Variants in RXFP1 observed in about 807,000 individuals in gnomAD.
RXFP1 encodes the protein relaxin receptor 1.
RXFP1 carries 73 observed loss-of-function variants against 89.8 expected under a neutral mutation model. That is an observed-to-expected ratio of 0.81 (90% CI 0.67 to 0.99). The LOEUF is 0.99. RXFP1 is among the 50% of genes least tolerant of loss of function. RXFP1 has a pLI of 0.00. For synonymous variants in RXFP1, 277 were observed against 305.5 expected (o/e 0.91, Z 0.97); for missense variants, 793 against 895.5 (o/e 0.89, Z 1.46).
At chr4:158,539,083 C>A (rs903558686) in intron 1 of RXFP1, among the ~76,000 whole-genome samples, 3 of 152,198 alleles carry the variant, frequency 2.0e-5, no homozygotes, top group African/African-American at 7.2e-5. Flanking sequence ...TAGCAACCAC[C>A]TCCCATCATG....
chr4:158,610,179 C>G (rs980776040), intron 6 of RXFP1, among the ~76,000 whole-genome samples: 1 of 152,018 alleles, frequency 6.6e-6, no homozygotes, highest in Non-Finnish European at 1.5e-5. Flanking sequence ...GCAAGAGAAT[C>G]GCTTGAACCT....
intron 1 of RXFP1, among the ~76,000 whole-genome samples, chr4:158,571,546 C>A (rs1755065786): frequency 6.6e-6 from 1 of 152,096 alleles, no homozygotes; most frequent in African/African-American, 2.4e-5. Context: ...CCTGTAATCT[C>A]AGCTACTCAG....
chr4:158,605,375 T>C (rs1231144092), intron 5 of RXFP1, among the ~76,000 whole-genome samples: 1 of 152,160 alleles, frequency 6.6e-6, no homozygotes, highest in Non-Finnish European at 1.5e-5. Flanking sequence ...GGAACATGTG[T>C]GCTGTGAATC....
chr4:158,542,122 T>C (rs1241848102), intron 1 of RXFP1, among the ~76,000 whole-genome samples: 6 of 137,544 alleles, frequency 4.4e-5, no homozygotes, highest in African/African-American at 1.6e-4. Context: ...TTTTTTTTAG[T>C]AGAGACAGGG....
chr4:158,649,785 C>CCCTCA (rs1291949007), intron 17 of RXFP1, among the ~76,000 whole-genome samples: 1 of 152,108 alleles, frequency 6.6e-6, no homozygotes, highest in Non-Finnish European at 1.5e-5. Flanking sequence ...CTATGGAAGA[C>CCCTCA]AATATGGCAG....
intron 1 of RXFP1, among the ~76,000 whole-genome samples, chr4:158,534,915 A>AT (rs1744940416): frequency 6.8e-6 from 1 of 147,552 alleles, no homozygotes; most frequent in Non-Finnish European, 1.5e-5. Context: ...ACATATAATA[A>AT]AATAATTTAT....
At chr4:158,545,980 T>C (rs1330498474) in intron 1 of RXFP1, among the ~76,000 whole-genome samples, 2 of 152,216 alleles carry the variant, frequency 1.3e-5, no homozygotes, top group African/African-American at 2.4e-5. Context: ...TTTCCAATTC[T>C]GTGAAGAAAG....
chr4:158,599,201 A>G, intron 3 of RXFP1, 125 bp from the exon 4 acceptor site: 3 of 1,484,120 alleles, frequency 2.0e-6, no homozygotes, highest in Non-Finnish European at 2.7e-6. Flanking sequence ...TAAATTGCCT[A>G]CGTAGCACAT....
chr4:158,565,891 A>AG (rs1753449633), intron 1 of RXFP1, among the ~76,000 whole-genome samples: 1 of 152,246 alleles, frequency 6.6e-6, no homozygotes, highest in Non-Finnish European at 1.5e-5. Context: ...ACTACCTGAC[A>AG]GGTTGAAATG....
intron 11 of RXFP1, among the ~76,000 whole-genome samples, chr4:158,629,996 CT>C (rs1767721926): frequency 2.0e-5 from 3 of 152,184 alleles, no homozygotes; most frequent in Admixed American, 2.0e-4. Flanking sequence ...AGACAGAACA[CT>C]GATTTATTAA....
intron 6 of RXFP1, among the ~76,000 whole-genome samples, chr4:158,610,950 A>G (rs952899579): frequency 6.6e-6 from 1 of 152,254 alleles, no homozygotes; most frequent in African/African-American, 2.4e-5. Context: ...AGACTGAAGA[A>G]GAGAGAGAAA....
intron 1 of RXFP1, among the ~76,000 whole-genome samples, chr4:158,562,523 C>CA (rs55944906): frequency 0.16 from 3,965 of 25,272 alleles, 1,299 homozygotes; most frequent in Admixed American, 0.26. Flanking sequence ...GACTCCGTCT[C>CA]AAAAAAAAAA....
rs1184164606 is a variant in RXFP1 at position 158,599,360 on chromosome 4, A to G, written c.321A>G (p.Gln107=). ...VGSVPVQCLC[Q]GLELDCDETN... is the part of the protein sequence containing the mutation. The stretch of plus-strand genomic sequence containing the variant: ...CTGTGCCAGTGCAATGTCTTTGCCA[A>G]GGTCTGGAGCTTGACTGTGATGAAA... Residue 107 remains glutamine, a synonymous_variant, in exon 4 of 18, where the codon CAA becomes CAG. Transcript: ENST00000307765. 1 of 1,613,866 alleles carries G rather than the reference A, an allele frequency of 6.2e-7. No individual in the cohort carries two copies. Among genetic ancestry groups the G allele is most frequent in the South Asian group, 1.1e-5 (1 of 91,060 alleles).
chr4:158,534,063 GACA>G (rs1744695716), intron 1 of RXFP1, among the ~76,000 whole-genome samples: 1 of 152,068 alleles, frequency 6.6e-6, no homozygotes, highest in Non-Finnish European at 1.5e-5. Flanking sequence ...AGTCTCACAT[GACA>G]ATCTTACCCC....
At chr4:158,611,789 C>A (rs1219340196) in intron 6 of RXFP1, among the ~76,000 whole-genome samples, 1 of 152,218 alleles carries the variant, frequency 6.6e-6, no homozygotes, top group Non-Finnish European at 1.5e-5. Context: ...GCTTCCCTGA[C>A]ATTACAAAGT....
intron 2 of RXFP1, among the ~76,000 whole-genome samples, chr4:158,592,300 A>G (rs1046181975): frequency 2.6e-5 from 4 of 152,236 alleles, no homozygotes; most frequent in Admixed American, 6.5e-5. Context: ...TCGGCCAGGC[A>G]TGGTGGCTTA....
intron 3 of RXFP1, among the ~76,000 whole-genome samples, chr4:158,594,496 T>A (rs368145817): frequency 6.7e-6 from 1 of 149,174 alleles, no homozygotes; most frequent in African/African-American, 2.6e-5. Context: ...AGGTACTTTG[T>A]TTGACTTTTT....
chr4:158,614,183 G>A (rs1764083121), intron 8 of RXFP1, among the ~76,000 whole-genome samples: 1 of 152,196 alleles, frequency 6.6e-6, no homozygotes, highest in Non-Finnish European at 1.5e-5. Flanking sequence ...AGGCAGAGTA[G>A]ATTTAGCGTA....
chr4:158,547,928 T>G (rs1433338040), intron 1 of RXFP1, among the ~76,000 whole-genome samples: 4 of 152,338 alleles, frequency 2.6e-5, no homozygotes, highest in African/African-American at 9.6e-5. Flanking sequence ...TATATTCTGT[T>G]GATTTGGGGT....
Sources: allele counts gnomAD v4.1 joint callset (sites outside exome capture counted in the v4.1 genomes callset), GRCh38; gene constraint gnomAD v4.1.1; transcripts MANE v1.5; gene names NCBI Gene and HGNC (gene_info 2026-07-23, HGNC 2026-07-21).